Variants in PEBP4 observed in about 807,000 individuals in gnomAD.
PEBP4 encodes the protein phosphatidylethanolamine binding protein 4.
Under a neutral mutation model 23.9 loss-of-function variants are expected in PEBP4, and 22 were observed. The ratio of observed to expected loss-of-function variants is 0.92; its 90% CI spans 0.66 to 1.31. The LOEUF (loss-of-function observed/expected upper bound fraction) is 1.31. Ranked by LOEUF, PEBP4 falls within the 40% of genes most tolerant of loss-of-function variation. The pLI is 0.00. For synonymous variants in PEBP4, 112 were observed against 99.3 expected (o/e 1.13, Z -0.76); for missense variants, 324 against 281.7 (o/e 1.15, Z -1.07).
intron 4 of PEBP4, among the ~76,000 whole-genome samples, chr8:22,759,246 C>T (rs968109566): frequency 2.6e-5 from 4 of 151,796 alleles, no homozygotes; most frequent in Non-Finnish European, 4.4e-5. Context: ...CCCGCATAGA[C>T]GGAGGCCCAG....
At chr8:22,909,693 C>A (rs928506483) in intron 3 of PEBP4, among the ~76,000 whole-genome samples, 1 of 152,178 alleles carries the variant, frequency 6.6e-6, no homozygotes, top group Non-Finnish European at 1.5e-5. Context: ...GGGGCAGGAG[C>A]TTTGGAGGCT....
At chr8:22,757,882 G>A (rs1805423859) in intron 4 of PEBP4, 1 of 152,244 alleles carries the variant, frequency 6.6e-6, no homozygotes, top group Non-Finnish European at 1.5e-5. Context: ...AGCCCTGCCT[G>A]GGCTGCTCTT....
chr8:22,805,608 G>A (rs886080821), intron 4 of PEBP4, among the ~76,000 whole-genome samples: 2 of 152,200 alleles, frequency 1.3e-5, no homozygotes, highest in African/African-American at 4.8e-5. Context: ...CTACAGGCAT[G>A]AGCCACCATG....
intron 3 of PEBP4, among the ~76,000 whole-genome samples, chr8:22,918,950 C>T (rs946876743): frequency 6.6e-6 from 1 of 151,872 alleles, no homozygotes; most frequent in Non-Finnish European, 1.5e-5. Context: ...CACATGTGCA[C>T]GTGTGCACTT....
rs555509888 is a variant in PEBP4 at position 22,883,198 on chromosome 8, G to A, written c.258+36986C>T. On this transcript the variant is annotated intron_variant, in intron 3 of 6. Transcript: ENST00000256404. ...TGCTTGCTTAAAGGTTCAGAGATTCGGACCTGGAAGGATGCTTATCACAAT... is the reference window on the plus strand; with the variant it reads ...TGCTTGCTTAAAGGTTCAGAGATTCAGACCTGGAAGGATGCTTATCACAAT... 5.9e-5 allele frequency among the ~76,000 whole-genome samples: 9 copies of A among 152,278 alleles called. No individual in the cohort carries two copies. In the South Asian group the frequency reaches 1.4e-3, roughly 25 times the overall value.
At chr8:22,826,270 T>C (rs1806966825) in intron 3 of PEBP4, among the ~76,000 whole-genome samples, 2 of 152,228 alleles carry the variant, frequency 1.3e-5, no homozygotes. Context: ...CCAAAGACAC[T>C]GCACATCTTG....
intron 3 of PEBP4, among the ~76,000 whole-genome samples, chr8:22,917,412 C>T (rs1449835929): frequency 6.6e-6 from 1 of 152,138 alleles, no homozygotes; most frequent in Non-Finnish European, 1.5e-5. Flanking sequence ...GAAGAACTAT[C>T]CTTCCTGCCC....
intron 2 of PEBP4, among the ~76,000 whole-genome samples, chr8:22,922,472 C>G (rs1809226121): frequency 6.6e-6 from 1 of 151,350 alleles, no homozygotes; most frequent in African/African-American, 2.4e-5. Flanking sequence ...TGCCTATAAT[C>G]TCAGCTCTTT....
intron 3 of PEBP4, among the ~76,000 whole-genome samples, chr8:22,839,865 T>A (rs1807288059): frequency 1.3e-5 from 2 of 151,264 alleles, no homozygotes; most frequent in South Asian, 2.1e-4. Context: ...CAAACCCCAA[T>A]TGGAATGGCT....
intron 4 of PEBP4, among the ~76,000 whole-genome samples, chr8:22,753,965 G>A (rs560665277): frequency 3.8e-4 from 58 of 152,282 alleles, no homozygotes; most frequent in African/African-American, 1.3e-3. Flanking sequence ...GGCTGAGGGT[G>A]TGGGCTGAGG....
At chr8:22,923,485 T>G (rs931417261) in intron 2 of PEBP4, among the ~76,000 whole-genome samples, 5 of 152,094 alleles carry the variant, frequency 3.3e-5, no homozygotes, top group Non-Finnish European at 7.4e-5. Flanking sequence ...GAGGATCGCT[T>G]GAGTCTGGGA....
At chr8:22,867,363 G>A (rs140432076) in intron 3 of PEBP4, among the ~76,000 whole-genome samples, 92 of 152,232 alleles carry the variant, frequency 6.0e-4, no homozygotes, top group African/African-American at 2.1e-3. Flanking sequence ...TCATAACTCA[G>A]GTTTACTCTT....
chr8:22,847,377 C>G (rs184861061), intron 3 of PEBP4, among the ~76,000 whole-genome samples: 6 of 152,286 alleles, frequency 3.9e-5, no homozygotes, highest in Non-Finnish European at 5.9e-5. Flanking sequence ...CCATCTTTTT[C>G]TCTGCTCTCT....
intron 4 of PEBP4, among the ~76,000 whole-genome samples, chr8:22,761,380 G>T (rs1805504535): frequency 6.6e-6 from 1 of 152,102 alleles, no homozygotes; most frequent in Admixed American, 6.6e-5. Context: ...CTCCTGACAT[G>T]GCGAGGGGAG....
chr8:22,728,559 TCTTCCTTCCTTCCTTCCTTCCTTC>T (rs3029509), intron 4 of PEBP4, among the ~76,000 whole-genome samples: 97 of 96,364 alleles, frequency 1.0e-3, no homozygotes, highest in African/African-American at 1.8e-3. Flanking sequence ...TTTCTTTCTT[TCTTCCTTCCTTCCTTCCTTCCTTC>T]CTTCCTTCCT....
At chr8:22,930,631 T>G (rs117173392), upstream of PEBP4, among the ~76,000 whole-genome samples, 666 of 152,348 alleles carry the variant, frequency 4.4e-3, 4 homozygotes, top group Non-Finnish European at 7.0e-3. Context: ...ATCACTCAGG[T>G]TGGCCCTTAG....
At chr8:22,890,642 A>C (rs1382272237) in intron 3 of PEBP4, among the ~76,000 whole-genome samples, 2 of 152,192 alleles carry the variant, frequency 1.3e-5, no homozygotes, top group African/African-American at 4.8e-5. Flanking sequence ...AGAGGTCACT[A>C]TGTTCAGAGG....
At chr8:22,930,918 T>A (rs1809446012), upstream of PEBP4, among the ~76,000 whole-genome samples, 1 of 152,200 alleles carries the variant, frequency 6.6e-6, no homozygotes, top group Non-Finnish European at 1.5e-5. Context: ...TTCCTTCAGT[T>A]ACCTGGGCTG....
intron 3 of PEBP4, among the ~76,000 whole-genome samples, chr8:22,898,814 T>C (rs906930577): frequency 1.3e-5 from 2 of 152,050 alleles, no homozygotes; most frequent in South Asian, 4.2e-4. Context: ...TGCGGGATGA[T>C]AAAGGGGTGA....
Sources: allele counts gnomAD v4.1 joint callset (sites outside exome capture counted in the v4.1 genomes callset), GRCh38; gene constraint gnomAD v4.1.1; transcripts MANE v1.5; gene names NCBI Gene and HGNC (gene_info 2026-07-23, HGNC 2026-07-21).